Variants in CLYBL observed in about 807,000 individuals in gnomAD.
CLYBL encodes the protein citramalyl-CoA lyase, mitochondrial.
Under a neutral mutation model 38.9 loss-of-function variants are expected in CLYBL, and 31 were observed. That is an observed-to-expected ratio of 0.80 (90% CI 0.60 to 1.08). The LOEUF (loss-of-function observed/expected upper bound fraction) is 1.08. Among genes scored for constraint, CLYBL ranks in the 50% least tolerant of loss-of-function variants. The pLI is 0.00. For missense variants in CLYBL, 434 were observed against 411.6 expected, an observed-to-expected ratio of 1.05 and a Z score of -0.47; for synonymous variants, 171 against 158.6, an observed-to-expected ratio of 1.08 and a Z score of -0.59.
At chr13:99,633,551 A>T (rs978932204) in intron 1 of CLYBL, among the ~76,000 whole-genome samples, 7 of 150,194 alleles carry the variant, frequency 4.7e-5, no homozygotes, top group African/African-American at 1.7e-4. Context: ...AAAAAAAAAA[A>T]TAGCTATGAA....
chr13:99,812,020 G>A (rs2050352598), intron 2 of CLYBL, among the ~76,000 whole-genome samples: 1 of 152,136 alleles, frequency 6.6e-6, no homozygotes, highest in Non-Finnish European at 1.5e-5. Flanking sequence ...CCAAAAAGCT[G>A]AAAATCAAAA....
chr13:99,767,195 G>A (rs1416180024), intron 1 of CLYBL, among the ~76,000 whole-genome samples: 1 of 152,234 alleles, frequency 6.6e-6, no homozygotes, highest in Non-Finnish European at 1.5e-5. Flanking sequence ...TATGGATGTA[G>A]AAATCCAATT....
intron 3 of CLYBL, among the ~76,000 whole-genome samples, chr13:99,861,810 G>A (rs1594229440): frequency 6.6e-6 from 1 of 152,292 alleles, no homozygotes; most frequent in South Asian, 2.1e-4. Context: ...GCACCGGCAA[G>A]GAGGGGGCAG....
At chr13:99,660,407 C>G (rs977608251) in intron 1 of CLYBL, among the ~76,000 whole-genome samples, 11 of 152,126 alleles carry the variant, frequency 7.2e-5, no homozygotes, top group Non-Finnish European at 1.5e-4. Context: ...CTCTGTTGCC[C>G]CAAGTCCCCA....
At chr13:99,624,271 G>T (rs951507992) in intron 1 of CLYBL, among the ~76,000 whole-genome samples, 1 of 152,180 alleles carries the variant, frequency 6.6e-6, no homozygotes, top group African/African-American at 2.4e-5. Context: ...CCTGTGCCCA[G>T]CACAGTGCCT....
intron 1 of CLYBL, among the ~76,000 whole-genome samples, chr13:99,702,955 A>T (rs1278587851): frequency 6.6e-6 from 1 of 152,250 alleles, no homozygotes; most frequent in Admixed American, 6.5e-5. Context: ...TTCCACCATG[A>T]ACTCTTTGGT....
intron 2 of CLYBL, among the ~76,000 whole-genome samples, chr13:99,804,886 C>A (rs1470605413): frequency 6.6e-6 from 1 of 152,168 alleles, no homozygotes; most frequent in Non-Finnish European, 1.5e-5. Context: ...TCATCTTCCC[C>A]AGCAGAGACT....
chr13:99,745,164 C>T (rs966779955), intron 1 of CLYBL, among the ~76,000 whole-genome samples: 1 of 152,214 alleles, frequency 6.6e-6, no homozygotes, highest in African/African-American at 2.4e-5. Flanking sequence ...TTTTCTGGTT[C>T]TCTCCATCTC....
chr13:99,890,339 A>G (rs1046647971), intron 7 of CLYBL, among the ~76,000 whole-genome samples: 4 of 152,138 alleles, frequency 2.6e-5, no homozygotes, highest in Non-Finnish European at 5.9e-5. Flanking sequence ...CACAGTCTAT[A>G]TAAGTATGGT....
intron 2 of CLYBL, among the ~76,000 whole-genome samples, chr13:99,787,684 T>C (rs2049826527): frequency 6.6e-6 from 1 of 152,184 alleles, no homozygotes; most frequent in East Asian, 1.9e-4. Flanking sequence ...GCGATGCGGA[T>C]TCTTTTTTGG....
chr13:99,877,523 TTTTA>T lies in CLYBL; in HGVS notation c.927+6473_927+6476del, dbSNP rs1471855651. On this transcript the variant is annotated intron_variant, in intron 7 of 8. Coordinates refer to ENST00000339105, the MANE Select transcript of CLYBL (RefSeq NM_206808.5). ...TACATTAGAGACTTTCAGAGCATTC[TTTTA>T]TTTATTTATTTTTTGGTTGTATTAA... The T allele has an allele frequency of 2.3e-5, 8 of 353,088 alleles. No individual in the cohort carries two copies. The East Asian group carries it at 2.9e-4, about 13-fold the overall frequency. 21.9% of individuals were successfully genotyped at this position (353,088 alleles called of 1,614,324 possible).
chr13:99,831,209 C>T (rs1476209501), intron 2 of CLYBL, among the ~76,000 whole-genome samples: 1 of 152,178 alleles, frequency 6.6e-6, no homozygotes, highest in Non-Finnish European at 1.5e-5. Context: ...CATTTCTGGG[C>T]TCCAGAACTA....
intron 1 of CLYBL, among the ~76,000 whole-genome samples, chr13:99,764,629 T>C (rs1265688524): frequency 6.6e-6 from 1 of 152,160 alleles, no homozygotes; most frequent in Non-Finnish European, 1.5e-5. Context: ...GTCTTCCCTC[T>C]TTTTCTTTTT....
At chr13:99,803,686 G>A (rs2050177167) in intron 2 of CLYBL, among the ~76,000 whole-genome samples, 1 of 152,226 alleles carries the variant, frequency 6.6e-6, no homozygotes, top group Non-Finnish European at 1.5e-5. Context: ...CACAACCAAT[G>A]TTGTTTCTTT....
intron 1 of CLYBL, among the ~76,000 whole-genome samples, chr13:99,724,825 T>C (rs2048446552): frequency 1.3e-5 from 2 of 152,130 alleles, no homozygotes; most frequent in African/African-American, 4.8e-5. Flanking sequence ...CTTAATGAGG[T>C]CATAAAAGAA....
chr13:99,680,805 A>G (rs1265744761), intron 1 of CLYBL, among the ~76,000 whole-genome samples: 2 of 152,208 alleles, frequency 1.3e-5, no homozygotes, highest in Non-Finnish European at 2.9e-5. Flanking sequence ...CTTTGGCCTT[A>G]GGACAGACCA....
At chr13:99,783,715 G>C (rs2138851190) in intron 2 of CLYBL, 1 of 152,240 alleles carries the variant, frequency 6.6e-6, no homozygotes, top group African/African-American at 2.4e-5. Context: ...AAAGTGCTGG[G>C]ATTACAGGCA....
chr13:99,669,612 A>C (rs2047535174), intron 1 of CLYBL, among the ~76,000 whole-genome samples: 1 of 152,118 alleles, frequency 6.6e-6, no homozygotes, highest in African/African-American at 2.4e-5. Context: ...TTCTTAGTTT[A>C]CTGAGAGCCT....
chr13:99,881,330 T>C (rs2052203548), intron 7 of CLYBL, among the ~76,000 whole-genome samples: 1 of 152,226 alleles, frequency 6.6e-6, no homozygotes, highest in African/African-American at 2.4e-5. Flanking sequence ...AAAATACCGA[T>C]GAAATTATCA....
Sources: allele counts gnomAD v4.1 joint callset (sites outside exome capture counted in the v4.1 genomes callset), GRCh38; gene constraint gnomAD v4.1.1; transcripts MANE v1.5; gene names NCBI Gene and HGNC (gene_info 2026-07-23, HGNC 2026-07-21).